The following MAP2K1 variants were observed in gnomAD, a reference collection of about 807,000 sequenced individuals.
MAP2K1 encodes the protein dual specificity mitogen-activated protein kinase kinase 1.
In MAP2K1, 16 loss-of-function variants were observed where a neutral mutation model predicts 46.3. That is an observed-to-expected ratio of 0.35 (90% CI 0.23 to 0.52). The LOEUF is 0.52. MAP2K1 is among the 20% of genes least tolerant of loss of function. The pLI is 0.94. For missense variants in MAP2K1, 263 were observed against 497.1 expected, an observed-to-expected ratio of 0.53 and a Z score of 4.48; for synonymous variants, 183 against 185.6, an observed-to-expected ratio of 0.99 and a Z score of 0.11.
At chr15:66,458,426 A>T (rs1892227934) in intron 5 of MAP2K1, among the ~76,000 whole-genome samples, 1 of 152,246 alleles carries the variant, frequency 6.6e-6, no homozygotes, top group Non-Finnish European at 1.5e-5. Context: ...ATTATAACTC[A>T]ACTTGTTTTT....
chr15:66,395,424 T>C (rs982687627), intron 1 of MAP2K1, among the ~76,000 whole-genome samples: 3 of 152,136 alleles, frequency 2.0e-5, no homozygotes, highest in Non-Finnish European at 2.9e-5. Flanking sequence ...CCTCTGTTTT[T>C]CCGTTCACCT....
At chr15:66,453,524 A>G (rs369895485) in intron 5 of MAP2K1, 8 of 702,254 alleles carry the variant, frequency 1.1e-5, no homozygotes, top group African/African-American at 1.7e-5. Flanking sequence ...TGCACCAGCA[A>G]TTCCTGAGCA....
At chr15:66,417,431 G>A (rs142367828) in intron 1 of MAP2K1, among the ~76,000 whole-genome samples, 1 of 152,162 alleles carries the variant, frequency 6.6e-6, no homozygotes, top group African/African-American at 2.4e-5. Flanking sequence ...AATTAGCCAG[G>A]CATGGTGGCA....
At chr15:66,419,542 G>A (rs1482290141) in intron 1 of MAP2K1, among the ~76,000 whole-genome samples, 1 of 151,996 alleles carries the variant, frequency 6.6e-6, no homozygotes, top group Non-Finnish European at 1.5e-5. Flanking sequence ...AATTTCATAT[G>A]CGGCTAATAT....
chr15:66,419,981 AC>A (rs34356923), intron 1 of MAP2K1, among the ~76,000 whole-genome samples: 30,841 of 152,014 alleles, frequency 0.2, 3,807 homozygotes, highest in Middle Eastern at 0.32. Context: ...GTGGTGGCTC[AC>A]ACCTGTAGTC....
intron 10 of MAP2K1, 76 bp downstream of exon 10, chr15:66,489,839 C>A: frequency 2.4e-6 from 3 of 1,239,150 alleles, no homozygotes; most frequent in Non-Finnish European, 3.6e-6. Context: ...CTGTGCAGTA[C>A]TTCCAGAGCC....
chr15:66,449,488 G>A (rs1245998653), intron 5 of MAP2K1, among the ~76,000 whole-genome samples: 2 of 152,070 alleles, frequency 1.3e-5, no homozygotes, highest in Admixed American at 1.3e-4. Flanking sequence ...AAGTGCATAA[G>A]GGAACTTTTT....
At chr15:66,392,513 C>T (rs1295342185) in intron 1 of MAP2K1, among the ~76,000 whole-genome samples, 4 of 150,046 alleles carry the variant, frequency 2.7e-5, no homozygotes, top group African/African-American at 9.8e-5. Context: ...ATGACCATCC[C>T]TAAATTTTAT....
intron 5 of MAP2K1, among the ~76,000 whole-genome samples, chr15:66,469,033 G>A (rs552496261): frequency 1.3e-5 from 2 of 151,052 alleles, no homozygotes; most frequent in South Asian, 4.2e-4. Flanking sequence ...CGAGGCGGGT[G>A]GATCATGAGG....
rs571933700 is a variant in MAP2K1, at chr15:66,418,169, C to T, written c.81-16858C>T. Among the ~76,000 whole-genome samples, 6 of 152,260 alleles carry T rather than the reference C, an allele frequency of 3.9e-5. No homozygotes were observed. The East Asian group carries it at 9.6e-4, about 24-fold the overall frequency. Reference sequence around the variant, plus strand: ...AGGATTCCATTTGTTATTTTGGGTACGCTGTATGTAAATGGAGAGGTTGAA... The same window carrying T: ...AGGATTCCATTTGTTATTTTGGGTATGCTGTATGTAAATGGAGAGGTTGAA... On this transcript the variant is annotated intron_variant, in intron 1 of 10. Coordinates refer to ENST00000307102, the MANE Select transcript of MAP2K1 (RefSeq NM_002755.4).
intron 1 of MAP2K1, among the ~76,000 whole-genome samples, chr15:66,404,991 T>C (rs1016680833): frequency 6.6e-6 from 1 of 152,224 alleles, no homozygotes; most frequent in African/African-American, 2.4e-5. Context: ...TCAGAAGACA[T>C]GGAACTTGTA....
intron 5 of MAP2K1, among the ~76,000 whole-genome samples, chr15:66,467,202 C>G (rs1337401126): frequency 6.6e-6 from 1 of 152,018 alleles, no homozygotes; most frequent in African/African-American, 2.4e-5. Flanking sequence ...TCATTGCATT[C>G]CAGCCTGGTC....
At chr15:66,425,099 C>T (rs1242696144) in intron 1 of MAP2K1, among the ~76,000 whole-genome samples, 2 of 151,978 alleles carry the variant, frequency 1.3e-5, no homozygotes, top group Non-Finnish European at 2.9e-5. Context: ...CCCAGCCTCC[C>T]GTCTCCATCT....
At chr15:66,486,626 G>A (rs1893044094) in intron 7 of MAP2K1, among the ~76,000 whole-genome samples, 1 of 152,168 alleles carries the variant, frequency 6.6e-6, no homozygotes, top group Non-Finnish European at 1.5e-5. Context: ...GTGAATACTG[G>A]GAAGTAAACC....
chr15:66,427,907 G>A (rs952959560), intron 1 of MAP2K1, among the ~76,000 whole-genome samples: 5 of 151,764 alleles, frequency 3.3e-5, no homozygotes, highest in African/African-American at 1.2e-4. Flanking sequence ...CCAGCTACTT[G>A]GAAAGCTGAG....
At chr15:66,398,973 A>G (rs574003324) in intron 1 of MAP2K1, among the ~76,000 whole-genome samples, 12 of 152,182 alleles carry the variant, frequency 7.9e-5, no homozygotes, top group African/African-American at 2.6e-4. Context: ...GTGTTTCACC[A>G]TGTTGGCCAG....
intron 5 of MAP2K1, among the ~76,000 whole-genome samples, chr15:66,449,014 A>AC (rs1555417274): frequency 3.3e-5 from 5 of 150,702 alleles, no homozygotes; most frequent in East Asian, 1.9e-4. Flanking sequence ...AAAAAAAAAA[A>AC]AAAAAAAAAA....
intron 5 of MAP2K1, among the ~76,000 whole-genome samples, chr15:66,457,944 C>T (rs1215381350): frequency 7.1e-6 from 1 of 140,934 alleles, no homozygotes; most frequent in East Asian, 2.0e-4. Flanking sequence ...GCCTGGGTAA[C>T]AAGAGCAAGA....
At chr15:66,477,533 A>T (rs1015028063) in intron 5 of MAP2K1, among the ~76,000 whole-genome samples, 2 of 152,244 alleles carry the variant, frequency 1.3e-5, no homozygotes, top group African/African-American at 4.8e-5. Context: ...GAGAGCCGCC[A>T]TTGTGACTGT....
Sources: allele counts gnomAD v4.1 joint callset (sites outside exome capture counted in the v4.1 genomes callset), GRCh38; gene constraint gnomAD v4.1.1; transcripts MANE v1.5; gene names NCBI Gene and HGNC (gene_info 2026-07-23, HGNC 2026-07-21).